Variants in CFAP46 observed in about 807,000 individuals in gnomAD.
CFAP46 encodes cilia and flagella associated protein 46.
A neutral mutation model predicts 325.7 loss-of-function variants in CFAP46; 245 were observed. The ratio of observed to expected loss-of-function variants is 0.75; its 90% CI spans 0.68 to 0.84. The LOEUF (loss-of-function observed/expected upper bound fraction) is 0.84, where lower values mean the gene tolerates loss of function less well. Ranked by LOEUF, CFAP46 falls within the 40% of genes least tolerant of loss-of-function variation. The pLI is 0.00. For synonymous variants in CFAP46, 1,523 were observed against 1,495.9 expected, an observed-to-expected ratio of 1.02 and a Z score of -0.42; for missense variants, 3,346 against 3,543.0, an observed-to-expected ratio of 0.94 and a Z score of 1.41.
At chr10:132,855,811 T>C (rs1848633691) in intron 39 of CFAP46, among the ~76,000 whole-genome samples, 1 of 152,262 alleles carries the variant, frequency 6.6e-6, no homozygotes, top group African/African-American at 2.4e-5. Flanking sequence ...CATTTTTACA[T>C]GTTAGAGACC....
At chr10:132,926,957 G>A (rs765132891) in intron 9 of CFAP46, among the ~76,000 whole-genome samples, 7 of 152,230 alleles carry the variant, frequency 4.6e-5, no homozygotes, top group Non-Finnish European at 7.3e-5. Flanking sequence ...CTGGTACCCA[G>A]GCCTCAGCCA....
At chr10:132,915,523 C>G (rs543078790) in intron 17 of CFAP46, among the ~76,000 whole-genome samples, 9 of 151,886 alleles carry the variant, frequency 5.9e-5, no homozygotes, top group Non-Finnish European at 1.0e-4. Context: ...AGCTGGCTTT[C>G]CTTCTGCCCC....
chr10:132,937,384 G>T, intron 6 of CFAP46, 168 bp downstream of exon 6: 1 of 754,626 alleles, frequency 1.3e-6, no homozygotes, highest in Non-Finnish European at 2.1e-6. Flanking sequence ...CTTTGCATTG[G>T]ATGAACTGCT....
Position 132,884,556 on chromosome 10 carries a change from C to T in CFAP46, c.3627+547G>A, listed in dbSNP as rs575160516. Among the ~76,000 whole-genome samples, 8 of 152,242 alleles carry T rather than the reference C, an allele frequency of 5.3e-5. No homozygotes were observed. In the South Asian group the frequency reaches 1.5e-3, roughly 28 times the overall value. On this transcript the variant is annotated intron_variant, in intron 27 of 57. Transcript: ENST00000368586. This position sits in a 1 kb window ranked among gnomAD's most constrained non-coding sequence, Gnocchi z 5.4. Reference sequence around the variant, plus strand: ...AGTTCTCAGGTGCATACCACATGGCCCTTGCCCCTGACAAGCAGAGGCATC... The same window carrying T: ...AGTTCTCAGGTGCATACCACATGGCTCTTGCCCCTGACAAGCAGAGGCATC...
intron 28 of CFAP46, 29 bp downstream of exon 28, chr10:132,880,832 T>C: frequency 6.5e-7 from 1 of 1,536,352 alleles, no homozygotes; most frequent in Non-Finnish European, 8.7e-7. Context: ...CGGCGTGGGG[T>C]CGGCACCCTG....
At chr10:132,905,342 C>T (rs1400800456) in intron 22 of CFAP46, among the ~76,000 whole-genome samples, 3 of 152,222 alleles carry the variant, frequency 2.0e-5, no homozygotes, top group Non-Finnish European at 4.4e-5. Flanking sequence ...TCCTCCTGAG[C>T]CACCCAATGC....
Position 132,912,986 on chromosome 10 carries a change from C to G in CFAP46, c.2333+60G>C, listed in dbSNP as rs984846055. 18 of 1,528,146 alleles carry G rather than the reference C, an allele frequency of 1.2e-5. No individual in the cohort carries two copies. In the Admixed American group the frequency reaches 2.0e-4, roughly 17 times the overall value. The allele number at this position is 1,528,146 out of a possible 1,614,324, so 94.7% of individuals were successfully genotyped here. ...TGGAGTGCAGCTGCCTGCCTTTGCT[C>G]TGGGGTCTCCCAAGGGAAGAAGCCC... On this transcript the variant is annotated intron_variant, in intron 18 of 57. Transcript: ENST00000368586.
chr10:132,932,390 CCTT>C (rs910995582), intron 8 of CFAP46, among the ~76,000 whole-genome samples: 8 of 145,020 alleles, frequency 5.5e-5, no homozygotes, highest in African/African-American at 2.1e-4. Flanking sequence ...AGAGGCTGGG[CCTT>C]CCTCCTCCAC....
intron 50 of CFAP46, among the ~76,000 whole-genome samples, chr10:132,822,739 GTGATGTGTGCTGTGTGAGTGC>G (rs1565036615): frequency 5.4e-5 from 6 of 110,908 alleles, no homozygotes; most frequent in South Asian, 3.7e-4. Flanking sequence ...TGTGTGTGCA[GTGATGTGTGCTGTGTGAGTGC>G]TGATGTGTGC....
At chr10:132,885,460 C>T (rs916586379) in intron 26 of CFAP46, among the ~76,000 whole-genome samples, 174 bp from the exon 27 acceptor site, 6 of 151,420 alleles carry the variant, frequency 4.0e-5, no homozygotes, top group African/African-American at 1.5e-4. Flanking sequence ...TGAGCGGGGG[C>T]CTCGGGGCTA....
At position 132,847,208 on chromosome 10, in the gene CFAP46, G is replaced by T. The variant is rs374808085; in HGVS notation, c.6066C>A (p.Cys2022Ter). Residue 2022 changes from cysteine (C) to a stop codon, truncating the protein, a stop_gained, in exon 42 of 58, where the codon TGC becomes TGA. Transcript: ENST00000368586. LOFTEE classifies it high-confidence loss of function. This position sits in a 1 kb window ranked among gnomAD's most constrained non-coding sequence, Gnocchi z 5.2. ...PASRAAPEEHCRRGEDLKRRM... is the reference protein window; with the variant it reads ...PASRAAPEEH ...GCACCTTCAGGTCCTCGCCTCTCCT[G>T]CAGTGCTCCTCCGGGGCTGCCCTGG... The T allele has an allele frequency of 1.6e-5, 26 of 1,612,628 alleles. No homozygotes were observed. Among genetic ancestry groups the T allele is most frequent in the Non-Finnish European group, 1.6e-5 (19 of 1,179,920 alleles).
At chr10:132,861,525 G>C (rs1848721234) in intron 35 of CFAP46, among the ~76,000 whole-genome samples, 1 of 152,216 alleles carries the variant, frequency 6.6e-6, no homozygotes, top group Non-Finnish European at 1.5e-5. Flanking sequence ...GCCACACCTG[G>C]ACACGGATGC....
At chr10:132,934,224 A>G (rs1564805665) in intron 8 of CFAP46, among the ~76,000 whole-genome samples, 1 of 152,214 alleles carries the variant, frequency 6.6e-6, no homozygotes, top group African/African-American at 2.4e-5. Context: ...TAAGGAGGTG[A>G]CAAAATCGCT....
Position 132,938,598 on chromosome 10 carries a change from T to C in CFAP46, c.527A>G (p.Glu176Gly). 1 of 1,612,918 alleles carries C rather than the reference T, an allele frequency of 6.2e-7. No homozygotes were observed. The highest frequency in any genetic ancestry group is 8.5e-7 in the Non-Finnish European group (1 of 1,179,896). Residue 176 changes from glutamate to glycine, a missense_variant, in exon 5 of 58, where the codon GAG (glutamate) becomes GGG (glycine). Glu to Gly is a moderately conservative substitution (Grantham distance 98). Transcript: ENST00000368586. The stretch of plus-strand genomic sequence containing the variant: ...GGCGAGCTCAACTCACAGCATCAGC[T>C]CAGCACGCCACTCCTTGTCTTCCTC... ...TEEEDKEWRA[E>G]LMLELLECYL...
chr10:132,829,854 C>G (rs150155588), intron 50 of CFAP46, among the ~76,000 whole-genome samples: 99 of 152,150 alleles, frequency 6.5e-4, no homozygotes, highest in African/African-American at 2.1e-3. Flanking sequence ...AATTAATTAC[C>G]CTTGTATTTC....
intron 37 of CFAP46, 146 bp from the exon 38 acceptor site, chr10:132,859,393 T>C (rs1848693404): frequency 1.5e-6 from 1 of 657,404 alleles, no homozygotes; most frequent in Non-Finnish European, 2.5e-6. Flanking sequence ...ATCAACATCA[T>C]ATGGGCCTCA....
intron 50 of CFAP46, among the ~76,000 whole-genome samples, chr10:132,822,687 CTGATGTGTGCTGTGTGAGT>C (rs1847893810): frequency 9.7e-6 from 1 of 103,084 alleles, no homozygotes; most frequent in African/African-American, 3.9e-5. Context: ...GCTGTGTGTG[CTGATGTGTGCTGTGTGAGT>C]GCTGATGTGT....
At chr10:132,930,975 C>CT (rs1181707297) in intron 8 of CFAP46, among the ~76,000 whole-genome samples, 38 of 124,052 alleles carry the variant, frequency 3.1e-4, no homozygotes, top group South Asian at 6.1e-4. Context: ...GAGCCTGGGC[C>CT]TCCCTACACT....
In CFAP46 at chr10:132,934,802, T is replaced by A. The variant is rs769711934; in HGVS notation, c.816A>T (p.Arg272Ser). The part of the protein sequence containing the change: ...DISVILRKAY[R>S]HLGHYNHQRF... ...GCTGGTGGTTGTAATGACCTAAGTG[T>A]CTGTAGGCCTTCCTCAGAATGACAC... Residue 272 changes from arginine to serine, a missense_variant, in exon 8 of 58, where the codon AGA becomes AGT. Physicochemically the swap from Arg to Ser is moderately radical, Grantham distance 110. Coordinates refer to ENST00000368586, the MANE Select transcript of CFAP46 (RefSeq NM_001200049.3). 1 of 1,613,298 alleles carries A rather than the reference T, an allele frequency of 6.2e-7. No individual in the cohort carries two copies. The highest frequency in any genetic ancestry group is 2.2e-5 in the East Asian group (1 of 44,890).
Sources: allele counts gnomAD v4.1 joint callset (sites outside exome capture counted in the v4.1 genomes callset), GRCh38; gene constraint gnomAD v4.1.1; non-coding constraint Gnocchi (gnomAD v3.1); transcripts MANE v1.5; gene names NCBI Gene and HGNC (gene_info 2026-07-23, HGNC 2026-07-21).